Variants in ABI3BP observed in about 807,000 individuals in gnomAD.
ABI3BP encodes the protein target of Nesh-SH3.
ABI3BP carries 216 observed loss-of-function variants against 268.6 expected under a neutral mutation model. The ratio of observed to expected loss-of-function variants is 0.80; its 90% CI spans 0.72 to 0.90. The LOEUF (loss-of-function observed/expected upper bound fraction) is 0.90. Ranked by LOEUF, ABI3BP falls within the 40% of genes least tolerant of loss-of-function variation. The probability of loss-of-function intolerance (pLI) is 0.00; values close to 1 mark genes in which losing one functional copy is unlikely to be tolerated. For missense variants in ABI3BP, 2,090 were observed against 2,182.4 expected, an observed-to-expected ratio of 0.96 and a Z score of 0.84; for synonymous variants, 730 against 730.0, an observed-to-expected ratio of 1.00 and a Z score of 0.00.
rs2098685427 is a variant in ABI3BP at position 100,840,826 on chromosome 3, T to C, written c.1798A>G (p.Thr600Ala). Residue 600 changes from threonine to alanine, a missense_variant, in exon 22 of 68, where the codon ACA becomes GCA. Physicochemically the swap from Thr to Ala is moderately conservative, Grantham distance 58. Transcript: ENST00000471714. ...CCACTCAATACTCTATTACCTAATG[T>C]TGTTGAAGGTTTGGTTCCTGGTGTT... ...PETPGTKPSTTLAPRKTKRPG... is the reference protein window; with the variant it reads ...PETPGTKPSTALAPRKTKRPG... 1 of 1,534,884 alleles carries C rather than the reference T, an allele frequency of 6.5e-7. No individual in the cohort carries two copies. The highest frequency in any genetic ancestry group is 1.4e-5 in the African/African-American group (1 of 72,950).
intron 39 of ABI3BP, among the ~76,000 whole-genome samples, chr3:100,820,720 C>G (rs2098192783): frequency 6.6e-6 from 1 of 152,130 alleles, no homozygotes; most frequent in Non-Finnish European, 1.5e-5. Flanking sequence ...AAGAAACTCT[C>G]TGGTATCACA....
In ABI3BP at chr3:100,885,535, C is replaced by T. The variant is rs2041582866; in HGVS notation, c.696+1G>A. The T allele has an allele frequency of 1.3e-6, 2 of 1,535,882 alleles. No individual in the cohort carries two copies. Among genetic ancestry groups the T allele is most frequent in the Non-Finnish European group, 1.8e-6 (2 of 1,134,782 alleles). ...ATTCTTGAAAATAAACTGTTACATA[C>T]CACTGTGTGGTCTTGGTCATAGGTA... On this transcript the variant is annotated splice_donor_variant, in intron 6 of 67. Transcript: ENST00000471714. LOFTEE classifies it high-confidence loss of function.
At chr3:100,759,281 A>G (rs1487377644) in intron 63 of ABI3BP, among the ~76,000 whole-genome samples, 1 of 152,196 alleles carries the variant, frequency 6.6e-6, no homozygotes, top group Non-Finnish European at 1.5e-5. Context: ...TAAGAAAAAA[A>G]GAGGAAGGAC....
chr3:100,974,965 C>G (rs1254244115), intron 1 of ABI3BP, among the ~76,000 whole-genome samples: 2 of 152,112 alleles, frequency 1.3e-5, no homozygotes, highest in Non-Finnish European at 2.9e-5. Flanking sequence ...CTGTAAGAGA[C>G]AGCAAGCAAG....
intron 1 of ABI3BP, among the ~76,000 whole-genome samples, chr3:100,959,356 A>G (rs1020469670): frequency 1.3e-5 from 2 of 151,032 alleles, no homozygotes; most frequent in Non-Finnish European, 3.0e-5. Flanking sequence ...CGGGCGTGGT[A>G]GCGGGCGCCT....
chr3:100,836,609 C>T lies in ABI3BP; in HGVS notation c.2131+515G>A, dbSNP rs529170931. ...ATTGCCTTCAAACAAAACAGAGAAT[C>T]CTTATTTTGTTGGGAATTTTGCATC... On this transcript the variant is annotated intron_variant, in intron 27 of 67. Transcript: ENST00000471714. Among the ~76,000 whole-genome samples the T allele has an allele frequency of 1.0e-3, 155 of 152,194 alleles. 1 individual carries two copies. Among genetic ancestry groups the T allele is most frequent in the African/African-American group, 3.6e-3 (151 of 41,522 alleles).
intron 1 of ABI3BP, among the ~76,000 whole-genome samples, chr3:100,980,397 C>A (rs939729469): frequency 7.9e-5 from 12 of 152,132 alleles, no homozygotes; most frequent in South Asian, 2.1e-4. Flanking sequence ...GCACAACAAT[C>A]CAACATGGCA....
intron 57 of ABI3BP, among the ~76,000 whole-genome samples, chr3:100,786,030 TA>T (rs1389913974): frequency 2.8e-5 from 4 of 144,278 alleles, no homozygotes; most frequent in Non-Finnish European, 3.1e-5. Context: ...CATGGAGATG[TA>T]CTGCCCAGAT....
At chr3:100,957,936 C>A (rs1354701267) in intron 1 of ABI3BP, among the ~76,000 whole-genome samples, 1 of 152,058 alleles carries the variant, frequency 6.6e-6, no homozygotes, top group African/African-American at 2.4e-5. Flanking sequence ...CTTGGAGATT[C>A]TTGATATTTA....
chr3:100,976,030 G>A lies in ABI3BP; in HGVS notation c.79+17276C>T, dbSNP rs980389046. Among the ~76,000 whole-genome samples the A allele has an allele frequency of 2.6e-4, 40 of 152,134 alleles. 1 individual carries two copies. Among genetic ancestry groups the A allele is most frequent in the African/African-American group, 8.9e-4 (37 of 41,498 alleles). ...TAAGGCCTTAGCAACTGGTGATAAC[G>A]GTCTGTGATTTTTCCTCATAATCAT... is the stretch of plus-strand genomic sequence containing the variant. On this transcript the variant is annotated intron_variant, in intron 1 of 67. Transcript: ENST00000471714.
At chr3:100,839,676 G>C in intron 23 of ABI3BP, 60 bp from the exon 24 acceptor site, 1 of 1,484,912 alleles carries the variant, frequency 6.7e-7, no homozygotes, top group Non-Finnish European at 9.1e-7. Context: ...TGAGGAGGGA[G>C]ACATTATGCC....
rs531178960 is a variant in ABI3BP at position 100,749,234 on chromosome 3, G to T, written c.*1261C>A. 3.8e-3 allele frequency: 98 copies of T among 25,836 alleles called. No homozygotes were observed. Among genetic ancestry groups the T allele is most frequent in the African/African-American group, 0.013 (91 of 6,842 alleles). The allele number at this position is 25,836 out of a possible 1,614,324, so 1.6% of individuals were successfully genotyped here. On this transcript the variant is annotated 3_prime_UTR_variant, in exon 68 of 68. Coordinates refer to ENST00000471714, the MANE Select transcript of ABI3BP (RefSeq NM_001375547.2). ...TAAACAAACAGTAGATATAATGGGG[G>T]TTGGTAGAGCCTGAATAAAACTTAG...
chr3:100,769,517 TATTAG>T (rs2096471987), intron 62 of ABI3BP, among the ~76,000 whole-genome samples: 2 of 152,250 alleles, frequency 1.3e-5, no homozygotes, highest in Admixed American at 6.5e-5. Context: ...TAATTAAATG[TATTAG>T]ATTAACCAGT....
At chr3:100,957,115 CTATT>C (rs953020695) in intron 1 of ABI3BP, among the ~76,000 whole-genome samples, 4 of 152,104 alleles carry the variant, frequency 2.6e-5, no homozygotes, top group Non-Finnish European at 5.9e-5. Context: ...AACAGGGAAA[CTATT>C]TAGGAAACTA....
chr3:100,828,397 T>C lies in ABI3BP; in HGVS notation c.2598A>G (p.Thr866=), dbSNP rs2098426188. 6.5e-7 allele frequency: 1 copy of C among 1,534,704 alleles called. No individual in the cohort carries two copies. The highest frequency in any genetic ancestry group is 2.0e-5 in the Admixed American group (1 of 50,954). The change falls in exon 34 of 68, where the codon ACA becomes ACG. Residue 866 remains threonine (T), a synonymous_variant. Coordinates refer to ENST00000471714, the MANE Select transcript of ABI3BP (RefSeq NM_001375547.2). The part of the protein sequence containing the change: ...VSPIKEAPGT[T]FVPVTDLEPV... ...AAGATCAAAAAGTGGCATTACCGAA[T>C]GTTGTCCCTGGAGCCTCTTTTATAG...
At chr3:100,773,064 C>A (rs558561154) in intron 61 of ABI3BP, among the ~76,000 whole-genome samples, 1 of 135,070 alleles carries the variant, frequency 7.4e-6, no homozygotes, top group Non-Finnish European at 1.5e-5. Context: ...GGCAACAGAG[C>A]GAGAGTCCAT....
intron 57 of ABI3BP, among the ~76,000 whole-genome samples, chr3:100,783,945 A>C (rs2096947775): frequency 6.6e-6 from 1 of 152,238 alleles, no homozygotes; most frequent in South Asian, 2.1e-4. Context: ...AGGACACATC[A>C]GCTAAGCTGG....
At chr3:100,985,564 A>T (rs571826256) in intron 1 of ABI3BP, among the ~76,000 whole-genome samples, 11 of 143,966 alleles carry the variant, frequency 7.6e-5, no homozygotes, top group African/African-American at 2.8e-4. Context: ...TGTCAGGGAT[A>T]AAAGCGTTTT....
chr3:100,940,305 A>T (rs2068365553), intron 1 of ABI3BP, among the ~76,000 whole-genome samples: 1 of 152,084 alleles, frequency 6.6e-6, no homozygotes, highest in African/African-American at 2.4e-5. Context: ...TAGAGATTGC[A>T]GTAAAGACAG....
Sources: gnomAD v4.1 joint callset for allele counts (sites outside exome capture counted in the v4.1 genomes callset) on GRCh38, gnomAD v4.1.1 for gene constraint, MANE v1.5 for transcripts, NCBI Gene and HGNC (gene_info 2026-07-23, HGNC 2026-07-21) for gene names.